Variants in NRG3 observed in about 807,000 individuals in gnomAD.
The protein encoded by NRG3 is neuregulin 3, also known as pro-neuregulin-3, membrane-bound isoform.
NRG3 carries 31 observed loss-of-function variants against 66.9 expected under a neutral mutation model. The ratio of observed to expected loss-of-function variants is 0.46; its 90% CI spans 0.35 to 0.63. The LOEUF (loss-of-function observed/expected upper bound fraction) is 0.63. Ranked by LOEUF, NRG3 falls within the 20% of genes least tolerant of loss-of-function variation. The pLI is 0.00. For synonymous variants in NRG3, 393 were observed against 359.4 expected, an observed-to-expected ratio of 1.09 and a Z score of -1.06; for missense variants, 910 against 878.9, an observed-to-expected ratio of 1.04 and a Z score of -0.45.
chr10:81,971,340 T>C (rs1398109321), intron 1 of NRG3, among the ~76,000 whole-genome samples: 1 of 152,194 alleles, frequency 6.6e-6, no homozygotes, highest in Non-Finnish European at 1.5e-5. Context: ...GTATAGAAGA[T>C]GTTGTAAAGG....
At chr10:81,903,976 A>G (rs12246127) in intron 1 of NRG3, among the ~76,000 whole-genome samples, 2,718 of 100,336 alleles carry the variant, frequency 0.027, 98 homozygotes, top group African/African-American at 0.11. Flanking sequence ...CAGAGTGTGT[A>G]TATATATATA....
At chr10:82,099,385 G>A (rs1195341827) in intron 1 of NRG3, among the ~76,000 whole-genome samples, 2 of 152,054 alleles carry the variant, frequency 1.3e-5, no homozygotes, top group African/African-American at 2.4e-5. Flanking sequence ...GTTTCTTTCT[G>A]GAGCCTATTC....
At chr10:82,808,742 A>T (rs1039679999) in intron 3 of NRG3, among the ~76,000 whole-genome samples, 3 of 152,206 alleles carry the variant, frequency 2.0e-5, no homozygotes, top group African/African-American at 7.2e-5. Context: ...AAAATTATGA[A>T]TTTATTCCTT....
chr10:82,763,666 C>A (rs1207060261), intron 3 of NRG3, among the ~76,000 whole-genome samples: 3 of 146,616 alleles, frequency 2.0e-5, no homozygotes, highest in Non-Finnish European at 1.5e-5. Flanking sequence ...TTCCCATGTT[C>A]AAAAAAAAAA....
intron 4 of NRG3, among the ~76,000 whole-genome samples, chr10:82,873,307 C>A (rs1417858216): frequency 6.6e-6 from 1 of 152,078 alleles, no homozygotes; most frequent in Non-Finnish European, 1.5e-5. Flanking sequence ...AAATCAGTAA[C>A]CAAAAATATA....
intron 1 of NRG3, among the ~76,000 whole-genome samples, chr10:82,120,906 T>G (rs1413791987): frequency 6.6e-6 from 1 of 152,130 alleles, no homozygotes; most frequent in African/African-American, 2.4e-5. Context: ...TCCGTACCCA[T>G]GTTTCTGCCT....
In NRG3 at chr10:82,140,467, G is replaced by A. The variant is rs191915021; in HGVS notation, c.824-218272G>A. Among the ~76,000 whole-genome samples the A allele has an allele frequency of 2.5e-3, 379 of 152,238 alleles. 4 individuals carry two copies. The highest frequency in any genetic ancestry group is 4.6e-3 in the South Asian group (22 of 4,822). On this transcript the variant is annotated intron_variant, in intron 1 of 8. Coordinates refer to ENST00000372141, the MANE Select transcript of NRG3 (RefSeq NM_001010848.4). ...TAAACAAATTGTCTTTAAAGTCACT[G>A]CCGCAATTTTGTTTGGCAATGGCAT...
rs543148193 is a variant in NRG3, at chr10:82,516,424, G to T, written c.953+157556G>T. 3.9e-5 allele frequency among the ~76,000 whole-genome samples: 6 copies of T among 152,204 alleles called. No homozygotes were observed. The South Asian group carries it at 6.2e-4, about 16-fold the overall frequency. Reference sequence around the variant, plus strand: ...TTGATGGTTGGTGGAGTAATAAGGGGAGTCCAATCAACCAATATACTAAGT... The same window carrying T: ...TTGATGGTTGGTGGAGTAATAAGGGTAGTCCAATCAACCAATATACTAAGT... On this transcript the variant is annotated intron_variant, in intron 2 of 8. Transcript: ENST00000372141.
At chr10:82,463,497 C>G (rs545283589) in intron 2 of NRG3, among the ~76,000 whole-genome samples, 1 of 152,148 alleles carries the variant, frequency 6.6e-6, no homozygotes, top group Admixed American at 6.5e-5. Context: ...TATTTAGAAG[C>G]CATGACATGA....
At chr10:82,580,337 C>G (rs955547728) in intron 2 of NRG3, among the ~76,000 whole-genome samples, 1 of 151,828 alleles carries the variant, frequency 6.6e-6, no homozygotes, top group African/African-American at 2.4e-5. Context: ...TATATAATCA[C>G]TCCCCCCCCA....
At chr10:82,727,933 A>T (rs1283639425) in intron 2 of NRG3, among the ~76,000 whole-genome samples, 1 of 152,128 alleles carries the variant, frequency 6.6e-6, no homozygotes. Context: ...AAAGGAGATC[A>T]TTTTGGAGCT....
Position 82,085,632 on chromosome 10 carries a change from C to A in NRG3, c.823+209469C>A, listed in dbSNP as rs117783201. ...CCCATGGTCAAGACATTAACCCATTCACCTCTTTTTTTTTTCTTTTTGAGA... is the reference window on the plus strand; with the variant it reads ...CCCATGGTCAAGACATTAACCCATTAACCTCTTTTTTTTTTCTTTTTGAGA... On this transcript the variant is annotated intron_variant, in intron 1 of 8. Coordinates refer to ENST00000372141, the MANE Select transcript of NRG3 (RefSeq NM_001010848.4). Among the ~76,000 whole-genome samples, 1,334 of 151,992 alleles carry A rather than the reference C, an allele frequency of 8.8e-3. 11 individuals are homozygous for A. The highest frequency in any genetic ancestry group is 0.031 in the Middle Eastern group (9 of 294).
chr10:82,177,279 A>C (rs920467251), intron 1 of NRG3, among the ~76,000 whole-genome samples: 10 of 152,144 alleles, frequency 6.6e-5, no homozygotes, highest in Non-Finnish European at 8.8e-5. Flanking sequence ...GAGAAACTAA[A>C]AGAAAAATCT....
chr10:82,758,655 T>A (rs2135029572), intron 3 of NRG3, among the ~76,000 whole-genome samples: 1 of 152,060 alleles, frequency 6.6e-6, no homozygotes, highest in African/African-American at 2.4e-5. Flanking sequence ...ATCTCACCAG[T>A]GAAGGTCTTG....
At chr10:82,136,988 C>G (rs774185691) in intron 1 of NRG3, among the ~76,000 whole-genome samples, 14 of 152,208 alleles carry the variant, frequency 9.2e-5, no homozygotes, top group African/African-American at 3.4e-4. Context: ...TTCAGTACCT[C>G]TTTCATTAAT....
chr10:82,935,934 A>G (rs1422231253), intron 4 of NRG3, among the ~76,000 whole-genome samples: 1 of 152,144 alleles, frequency 6.6e-6, no homozygotes, highest in African/African-American at 2.4e-5. Flanking sequence ...TTACATAAAG[A>G]TCAAAAATAG....
At chr10:82,235,303 A>C (rs1589420777) in intron 1 of NRG3, among the ~76,000 whole-genome samples, 1 of 152,212 alleles carries the variant, frequency 6.6e-6, no homozygotes, top group Non-Finnish European at 1.5e-5. Flanking sequence ...AAAATAACTT[A>C]CTATCTGCCC....
intron 3 of NRG3, among the ~76,000 whole-genome samples, chr10:82,865,061 A>T (rs1018455726): frequency 1.3e-5 from 2 of 152,204 alleles, no homozygotes; most frequent in South Asian, 2.1e-4. Context: ...ATAAAATATT[A>T]TGCATTCTGA....
intron 1 of NRG3, among the ~76,000 whole-genome samples, chr10:82,024,294 A>G (rs1313308345): frequency 6.6e-6 from 1 of 151,694 alleles, no homozygotes; most frequent in South Asian, 2.1e-4. Flanking sequence ...CAAAATAACA[A>G]GTTGTATTTG....
Sources: allele counts gnomAD v4.1 joint callset (sites outside exome capture counted in the v4.1 genomes callset), GRCh38; gene constraint gnomAD v4.1.1; transcripts MANE v1.5; gene names NCBI Gene and HGNC (gene_info 2026-07-23, HGNC 2026-07-21).